The following BABAM2 variants were observed in gnomAD, a reference collection of about 807,000 sequenced individuals.
BABAM2 encodes BRISC and BRCA1-A complex member 2.
A neutral mutation model predicts 54.7 loss-of-function variants in BABAM2; 31 were observed. That is an observed-to-expected ratio of 0.57 (90% confidence interval 0.43 to 0.77). The LOEUF (loss-of-function observed/expected upper bound fraction) is 0.77. BABAM2 is among the 30% of genes least tolerant of loss of function. The probability of loss-of-function intolerance (pLI) is 0.00; values close to 1 mark genes in which losing one functional copy is unlikely to be tolerated. For synonymous variants in BABAM2, 167 were observed against 162.9 expected (o/e 1.03, Z -0.19); for missense variants, 364 against 455.8 (o/e 0.80, Z 1.83).
At chr2:28,107,240 T>TAGAGCTCCCTCTTCCACCATGCATTCA (rs1667605673) in intron 6 of BABAM2, among the ~76,000 whole-genome samples, 2 of 152,148 alleles carry the variant, frequency 1.3e-5, no homozygotes, top group Non-Finnish European at 2.9e-5. Flanking sequence ...TGGACCACTC[T>TAGAGCTCCCTCTTCCACCATGCATTCA]AGAGCTCCCT....
At chr2:28,098,123 C>G (rs1038787251) in intron 6 of BABAM2, among the ~76,000 whole-genome samples, 1 of 152,144 alleles carries the variant, frequency 6.6e-6, no homozygotes, top group African/African-American at 2.4e-5. Flanking sequence ...TTTATTAAAT[C>G]TACATAATAA....
chr2:28,000,361 G>T (rs1479696208), intron 4 of BABAM2, among the ~76,000 whole-genome samples: 1 of 151,986 alleles, frequency 6.6e-6, no homozygotes, highest in Non-Finnish European at 1.5e-5. Context: ...ACTCAGTTGG[G>T]ATTTGTCTGA....
In BABAM2 at chr2:27,988,075, C is replaced by T. The variant is rs764593436; in HGVS notation, c.288C>T (p.Pro96=). Residue 96 remains proline, a synonymous_variant, in exon 4 of 12, where the codon CCC becomes CCT. Coordinates refer to ENST00000379624, the MANE Select transcript of BABAM2 (RefSeq NM_199191.3). ...AAGATGCTGAATTCCTGCCAGACCC[C>T]TCAGCTTTGCAGGTGAGTACTGCAG... ...FGEDAEFLPD[P]SALQNLASWN... is the part of the protein sequence containing the mutation. The T allele has an allele frequency of 3.7e-6, 6 of 1,613,274 alleles. No individual in the cohort carries two copies. The East Asian group carries it at 6.7e-5, about 18-fold the overall frequency.
intron 3 of BABAM2, among the ~76,000 whole-genome samples, chr2:27,974,557 TAATA>T (rs1671457457): frequency 6.6e-6 from 1 of 152,110 alleles, no homozygotes; most frequent in Admixed American, 6.5e-5. Flanking sequence ...AATCTGTTCA[TAATA>T]AATACTCTTA....
At chr2:28,063,368 TTAA>T (rs1679058650) in intron 6 of BABAM2, among the ~76,000 whole-genome samples, 1 of 152,244 alleles carries the variant, frequency 6.6e-6, no homozygotes. Flanking sequence ...AAATAATGTT[TTAA>T]TAATGTTTTA....
At chr2:27,909,535 T>A (rs1363189491) in intron 2 of BABAM2, among the ~76,000 whole-genome samples, 4 of 152,202 alleles carry the variant, frequency 2.6e-5, no homozygotes, top group Non-Finnish European at 5.9e-5. Flanking sequence ...CTGTTGATAA[T>A]GTCTTTTAAT....
intron 7 of BABAM2, among the ~76,000 whole-genome samples, chr2:28,181,883 G>A (rs868556119): frequency 2.0e-5 from 3 of 152,060 alleles, no homozygotes; most frequent in Non-Finnish European, 2.9e-5. Flanking sequence ...GGATAGGGTG[G>A]CAAGGGAAAA....
At position 28,298,415 on chromosome 2, in the gene BABAM2, C is replaced by G. The variant is rs766497195; in HGVS notation, c.1012C>G (p.Gln338Glu). Residue 338 changes from glutamine (Q) to glutamate (E), a missense_variant, in exon 11 of 12, where the codon CAG (glutamine) becomes GAG (glutamate). Physicochemically the swap from Gln to Glu is conservative, Grantham distance 29. Coordinates refer to ENST00000379624, the MANE Select transcript of BABAM2 (RefSeq NM_199191.3). ...CGTTTATCACTTTACCAACAGTGGACAGCTTTACTCCCAGGCCCAAAAAAA... is the reference window on the plus strand; with the variant it reads ...CGTTTATCACTTTACCAACAGTGGAGAGCTTTACTCCCAGGCCCAAAAAAA... ...QSVYHFTNSGQLYSQAQKNYP... is the reference protein window; with the variant it reads ...QSVYHFTNSGELYSQAQKNYP... 6.2e-7 allele frequency: 1 copy of G among 1,614,204 alleles called. No homozygotes were observed. Among genetic ancestry groups the G allele is most frequent in the South Asian group, 1.1e-5 (1 of 91,086 alleles).
At chr2:28,328,313 A>ATG (rs1690660537) in intron 11 of BABAM2, among the ~76,000 whole-genome samples, 1 of 152,204 alleles carries the variant, frequency 6.6e-6, no homozygotes, top group African/African-American at 2.4e-5. Flanking sequence ...CGGTTTTCAT[A>ATG]TGACTGATTA....
chr2:28,305,680 T>G (rs1688457501), intron 11 of BABAM2, among the ~76,000 whole-genome samples: 1 of 152,188 alleles, frequency 6.6e-6, no homozygotes, highest in African/African-American at 2.4e-5. Context: ...TTAGTAAATG[T>G]AGGGATATTC....
intron 7 of BABAM2, among the ~76,000 whole-genome samples, chr2:28,203,857 C>T (rs1678538787): frequency 6.6e-6 from 1 of 152,132 alleles, no homozygotes; most frequent in African/African-American, 2.4e-5. Flanking sequence ...CCAGGGTGAA[C>T]ATCCTTAGAG....
At chr2:28,018,169 C>T (rs1025157795) in intron 4 of BABAM2, among the ~76,000 whole-genome samples, 1 of 152,118 alleles carries the variant, frequency 6.6e-6, no homozygotes, top group Non-Finnish European at 1.5e-5. Context: ...CCCCAAAGTC[C>T]AATGCGTCAT....
chr2:28,203,653 G>A (rs1003915152), intron 7 of BABAM2, among the ~76,000 whole-genome samples: 1 of 152,072 alleles, frequency 6.6e-6, no homozygotes, highest in African/African-American at 2.4e-5. Flanking sequence ...CATAAGAGAC[G>A]TTTTTCATTT....
chr2:27,989,074 G>A (rs1459245739), intron 4 of BABAM2, among the ~76,000 whole-genome samples: 1 of 151,906 alleles, frequency 6.6e-6, no homozygotes, highest in Non-Finnish European at 1.5e-5. Context: ...GTGGATTCGT[G>A]GTGAAGTTTC....
At chr2:28,298,643 C>T in intron 11 of BABAM2, 152 bp downstream of exon 11, 1 of 1,003,122 alleles carries the variant, frequency 1.0e-6, no homozygotes, top group Non-Finnish European at 1.4e-6. Flanking sequence ...CATTTCTTTA[C>T]TTATTATCTG....
At chr2:28,242,731 C>T (rs1326765608) in intron 9 of BABAM2, among the ~76,000 whole-genome samples, 1 of 152,064 alleles carries the variant, frequency 6.6e-6, no homozygotes, top group Non-Finnish European at 1.5e-5. Context: ...TTTCTGACTC[C>T]TCAAACCAAT....
intron 10 of BABAM2, among the ~76,000 whole-genome samples, chr2:28,271,015 G>A (rs1477763669): frequency 6.6e-6 from 1 of 152,190 alleles, no homozygotes; most frequent in African/African-American, 2.4e-5. Flanking sequence ...CCGAGTTAAT[G>A]TGTACAGAAT....
intron 7 of BABAM2, among the ~76,000 whole-genome samples, chr2:28,164,781 A>G (rs548542753): frequency 6.6e-6 from 1 of 152,174 alleles, no homozygotes; most frequent in South Asian, 2.1e-4. Context: ...TAGGCTTTTA[A>G]AAATCCATTT....
chr2:28,143,886 C>A (rs1181863018), intron 7 of BABAM2, among the ~76,000 whole-genome samples: 1 of 152,128 alleles, frequency 6.6e-6, no homozygotes, highest in Non-Finnish European at 1.5e-5. Context: ...GAAGTTCATT[C>A]AGAAATAGAA....
Sources: gnomAD v4.1 joint callset for allele counts (sites outside exome capture counted in the v4.1 genomes callset) on GRCh38, gnomAD v4.1.1 for gene constraint, MANE v1.5 for transcripts, NCBI Gene and HGNC (gene_info 2026-07-23, HGNC 2026-07-21) for gene names.